Variants in MBTPS1 observed in about 807,000 individuals in gnomAD.
MBTPS1 encodes the protein membrane bound transcription factor peptidase, site 1.
A neutral mutation model predicts 127.8 loss-of-function variants in MBTPS1; 94 were observed. The observed-to-expected ratio is 0.74, with a 90% CI of 0.62 to 0.87. MBTPS1 has a LOEUF of 0.87. Among genes scored for constraint, MBTPS1 ranks in the 40% least tolerant of loss-of-function variants. The pLI is 0.00. For synonymous variants in MBTPS1, 632 were observed against 509.4 expected (o/e 1.24, Z -3.24); for missense variants, 1,636 against 1,353.2 (o/e 1.21, Z -3.28).
chr16:84,107,868 A>ATT (rs66777766), intron 1 of MBTPS1, among the ~76,000 whole-genome samples: 1,481 of 133,438 alleles, frequency 0.011, 38 homozygotes, highest in African/African-American at 0.03. Flanking sequence ...TGTCCAGCTA[A>ATT]TTTTTTTTTT....
In MBTPS1 at chr16:84,093,290, G is replaced by A. The variant is rs1567496162; in HGVS notation, c.744C>T (p.Gly248=). 3.1e-6 allele frequency: 5 copies of A among 1,605,946 alleles called. No individual in the cohort carries two copies. The highest frequency in any genetic ancestry group is 3.3e-5 in the Admixed American group (2 of 60,012). The part of the protein sequence containing the change: ...TNERTLDDGL[G]HGTFVAGVIA... ...TCACACCTGCCACGAATGTGCCATG[G>A]CCCAACCCTGCAGTCCATAAAGAAA... Residue 248 remains glycine (G), a synonymous_variant, in exon 6 of 23, where the codon GGC becomes GGT. Transcript: ENST00000343411.
chr16:84,062,111 T>C (rs1001351752), intron 19 of MBTPS1, among the ~76,000 whole-genome samples: 2 of 152,132 alleles, frequency 1.3e-5, no homozygotes, highest in Non-Finnish European at 2.9e-5. Flanking sequence ...TCACTTTTAA[T>C]TTTAATTTTA....
intron 3 of MBTPS1, among the ~76,000 whole-genome samples, chr16:84,097,837 C>CGTGTGTATGTGTGTGTGTGT (rs377529384): frequency 7.0e-6 from 1 of 143,026 alleles, no homozygotes; most frequent in African/African-American, 2.6e-5. Context: ...AACTTCTCTT[C>CGTGTGTATGTGTGTGTGTGT]GTGTGTGTGT....
intron 1 of MBTPS1, among the ~76,000 whole-genome samples, chr16:84,104,183 T>C (rs2086293450): frequency 6.6e-6 from 1 of 152,216 alleles, no homozygotes; most frequent in Admixed American, 6.5e-5. Flanking sequence ...TGAATATATA[T>C]TTAAAAGATA....
intron 11 of MBTPS1, among the ~76,000 whole-genome samples, chr16:84,081,022 G>T (rs1312792816): frequency 6.6e-6 from 1 of 152,220 alleles, no homozygotes; most frequent in Non-Finnish European, 1.5e-5. Context: ...ATCCAATGTG[G>T]GATCCTGGAC....
At chr16:84,092,774 G>A (rs577479028) in intron 6 of MBTPS1, among the ~76,000 whole-genome samples, 4 of 152,278 alleles carry the variant, frequency 2.6e-5, no homozygotes, top group Non-Finnish European at 4.4e-5. Context: ...GCCAGGTGTC[G>A]GGACACAGAG....
chr16:84,104,191 A>G (rs746859341), intron 1 of MBTPS1, among the ~76,000 whole-genome samples: 1 of 152,082 alleles, frequency 6.6e-6, no homozygotes, highest in Non-Finnish European at 1.5e-5. Flanking sequence ...TATTTAAAAG[A>G]TATTTATTAA....
At position 84,054,500 on chromosome 16, in the gene MBTPS1, C is replaced by T. The variant is rs2085488457; in HGVS notation, c.3108G>A (p.Lys1036=). ...SRPKRRKPRV[K]RPQLMQQVHP... ...GAACCTGCTGCATGAGCTGCGGGCG[C>T]TTCACCCTGGGCTTCCTCCGCTTCG... Residue 1036 remains lysine, a synonymous_variant, in exon 23 of 23, where the codon AAG becomes AAA. Transcript: ENST00000343411. 1 of 1,613,400 alleles carries T rather than the reference C, an allele frequency of 6.2e-7. No homozygotes were observed. Among genetic ancestry groups the T allele is most frequent in the Non-Finnish European group, 8.5e-7 (1 of 1,179,648 alleles).
intron 3 of MBTPS1, among the ~76,000 whole-genome samples, chr16:84,097,971 A>G (rs1423917277): frequency 6.6e-6 from 1 of 152,218 alleles, no homozygotes; most frequent in East Asian, 1.9e-4. Context: ...CCTTCTGATG[A>G]AAGAAATGAT....
chr16:84,109,246 T>C (rs1285881139), intron 1 of MBTPS1, among the ~76,000 whole-genome samples: 1 of 152,204 alleles, frequency 6.6e-6, no homozygotes, highest in Non-Finnish European at 1.5e-5. Flanking sequence ...CCAAGGAACA[T>C]GGAAGCCAGT....
intron 2 of MBTPS1, among the ~76,000 whole-genome samples, chr16:84,100,759 T>C (rs1198314564): frequency 6.6e-6 from 1 of 151,910 alleles, no homozygotes; most frequent in Non-Finnish European, 1.5e-5. Flanking sequence ...TGTAGGTAAA[T>C]AATTCATGTC....
chr16:84,063,122 C>T (rs534313490), intron 19 of MBTPS1, among the ~76,000 whole-genome samples, 183 bp downstream of exon 19: 1 of 152,376 alleles, frequency 6.6e-6, no homozygotes, highest in Admixed American at 6.5e-5. Context: ...TAAATGTGTG[C>T]ACACTCAGAC....
At chr16:84,082,883 C>G (rs1038587011) in intron 10 of MBTPS1, among the ~76,000 whole-genome samples, 2 of 152,356 alleles carry the variant, frequency 1.3e-5, no homozygotes, top group East Asian at 3.9e-4. Flanking sequence ...CATCATCAGG[C>G]TGGAGCTCGG....
In MBTPS1 at chr16:84,070,708, G is replaced by A. The variant is rs760565767; in HGVS notation, c.1662C>T (p.Val554=). The A allele has an allele frequency of 3.1e-6, 5 of 1,614,110 alleles. No homozygotes were observed. The highest frequency in any genetic ancestry group is 1.7e-4 in the Middle Eastern group (1 of 6,050). The change falls in exon 13 of 23, where the codon GTC becomes GTT. Residue 554 remains valine, a synonymous_variant. Coordinates refer to ENST00000343411, the MANE Select transcript of MBTPS1 (RefSeq NM_003791.4). ...NIEVAFSYSS[V]LWPWSGYLAI... ...CCAGGTAGCCCGACCAAGGCCATAA[G>A]ACCGAGGAGTAGGAGAAGGCAACTT...
At chr16:84,074,560 C>T in intron 12 of MBTPS1, 37 bp downstream of exon 12, 3 of 1,604,776 alleles carry the variant, frequency 1.9e-6, no homozygotes, top group Non-Finnish European at 2.6e-6. Context: ...TCTAAGTTCA[C>T]CATCAAGTCA....
chr16:84,081,892 C>A lies in MBTPS1; in HGVS notation c.1303G>T (p.Glu435Ter). The A allele has an allele frequency of 6.9e-7, 1 of 1,446,072 alleles. No homozygotes were observed. 89.6% of individuals were successfully genotyped at this position (1,446,072 alleles called of 1,614,324 possible). ...TTCATACTGGCGGGATTCACCAGCT[C>A]ACGCTTCTGGACTGTGCTGGAGGAA... ...TLLVSTVQKR[E>*]LVNPASMKQA... Residue 435 changes from glutamate (E) to a stop codon, truncating the protein, a stop_gained, in exon 11 of 23, where the codon GAG (glutamate) becomes TAG (stop). Transcript: ENST00000343411. LOFTEE classifies it high-confidence loss of function.
intron 8 of MBTPS1, among the ~76,000 whole-genome samples, chr16:84,089,547 A>T (rs2151161348): frequency 6.6e-6 from 1 of 152,366 alleles, no homozygotes; most frequent in East Asian, 1.9e-4. Context: ...AAAGAAAAAG[A>T]GCAGCTTCCA....
At chr16:84,106,016 T>C (rs1014605965) in intron 1 of MBTPS1, among the ~76,000 whole-genome samples, 2 of 152,048 alleles carry the variant, frequency 1.3e-5, no homozygotes, top group Non-Finnish European at 2.9e-5. Context: ...AGAAAACAGC[T>C]AGGCACGATG....
rs1464523411 is a variant in MBTPS1 at position 84,095,765 on chromosome 16, C to G, written c.462G>C (p.Gln154His). The G allele has an allele frequency of 3.1e-6, 5 of 1,614,008 alleles. No homozygotes were observed. The Admixed American group carries it at 8.3e-5, about 27-fold the overall frequency. The change falls in exon 4 of 23, where the codon CAG (glutamine) becomes CAC (histidine). Residue 154 changes from glutamine (Q) to histidine (H), a missense_variant. Transcript: ENST00000343411. ...GCAGGGGACGTGATGATTGCCACTT[C>G]TGGCTCCACCGGGTTTCATTGCAGG... The part of the protein sequence containing the change: ...TVPCNETRWS[Q>H]KWQSSRPLRR...
Sources: gnomAD v4.1 joint callset for allele counts (sites outside exome capture counted in the v4.1 genomes callset) on GRCh38, gnomAD v4.1.1 for gene constraint, MANE v1.5 for transcripts, NCBI Gene and HGNC (gene_info 2026-07-23, HGNC 2026-07-21) for gene names.